Variants in TLN2 observed in about 807,000 individuals in gnomAD.
TLN2 encodes the protein talin 2, also known as talin-2.
A neutral mutation model predicts 294.7 loss-of-function variants in TLN2; 118 were observed. The observed-to-expected ratio is 0.40, with a 90% CI of 0.34 to 0.47. The LOEUF (loss-of-function observed/expected upper bound fraction) is 0.47, where lower values mean the gene tolerates loss of function less well. Among genes scored for constraint, TLN2 ranks in the 20% least tolerant of loss-of-function variants. TLN2 has a pLI of 0.84. For synonymous variants in TLN2, 1,431 were observed against 1,304.5 expected, an observed-to-expected ratio of 1.10 and a Z score of -2.09; for missense variants, 3,083 against 3,282.2, an observed-to-expected ratio of 0.94 and a Z score of 1.48.
chr15:62,668,182 C>A (rs950103947), intron 9 of TLN2, among the ~76,000 whole-genome samples: 2 of 151,958 alleles, frequency 1.3e-5, no homozygotes, highest in African/African-American at 4.8e-5. Flanking sequence ...TAGAAATTTG[C>A]AAAGAGTAAA....
intron 2 of TLN2, among the ~76,000 whole-genome samples, chr15:62,595,593 G>C (rs1238166644): frequency 6.6e-6 from 1 of 152,122 alleles, no homozygotes. Flanking sequence ...CCAACATGTC[G>C]AAGAGATGTC....
At chr15:62,653,552 C>G (rs555803150) in intron 7 of TLN2, among the ~76,000 whole-genome samples, 3 of 151,982 alleles carry the variant, frequency 2.0e-5, no homozygotes, top group Non-Finnish European at 4.4e-5. Context: ...GGTGAAACCT[C>G]ATCTCTACTA....
intron 52 of TLN2, among the ~76,000 whole-genome samples, chr15:62,815,111 T>C (rs1030625321): frequency 6.6e-6 from 1 of 151,940 alleles, no homozygotes; most frequent in African/African-American, 2.4e-5. Context: ...TACTAAAATT[T>C]GATTAGTTAT....
At chr15:62,730,783 A>G (rs1056950462) in intron 28 of TLN2, among the ~76,000 whole-genome samples, 3 of 152,038 alleles carry the variant, frequency 2.0e-5, no homozygotes, top group Admixed American at 1.3e-4. Context: ...ATTTTCCAGC[A>G]GTGTGCCTGG....
chr15:62,653,350 C>A, intron 7 of TLN2, 36 bp downstream of exon 7: 1 of 1,583,094 alleles, frequency 6.3e-7, no homozygotes, highest in South Asian at 1.2e-5. Context: ...TACAGACACA[C>A]AGGCTTTGCT....
chr15:62,739,692 A>G (rs1257612716), intron 31 of TLN2, 147 bp downstream of exon 31: 8 of 903,492 alleles, frequency 8.9e-6, no homozygotes, highest in African/African-American at 5.0e-5. Flanking sequence ...TAGGAAGCTC[A>G]TGCCCTCATG....
At chr15:62,730,701 G>A (rs2060676511) in intron 28 of TLN2, among the ~76,000 whole-genome samples, 1 of 152,134 alleles carries the variant, frequency 6.6e-6, no homozygotes, top group Non-Finnish European at 1.5e-5. Flanking sequence ...CTTTATTTCT[G>A]TTGTGAAGCT....
chr15:62,402,085 A>G (rs765333665), intron 1 of TLN2, among the ~76,000 whole-genome samples: 1 of 152,210 alleles, frequency 6.6e-6, no homozygotes, highest in Admixed American at 6.5e-5. Context: ...ACCCCAAGCC[A>G]TAGGAGAAAT....
In TLN2 at chr15:62,771,239, G is replaced by A. The variant is rs955280810; in HGVS notation, c.5367+105G>A. The A allele has an allele frequency of 2.3e-6, 3 of 1,301,990 alleles. No homozygotes were observed. The East Asian group carries it at 7.6e-5, about 33-fold the overall frequency. The allele number at this position is 1,301,990 out of a possible 1,614,324, so 80.7% of individuals were successfully genotyped here. ...GAGAAAACACTTCCAGTTCTTGCTG[G>A]TGGCATTTGAGCTCCCACTCTGAGA... On this transcript the variant is annotated intron_variant, in intron 42 of 58. Coordinates refer to ENST00000636159, the MANE Select transcript of TLN2 (RefSeq NM_015059.3).
At chr15:62,795,189 G>A (rs1015982747) in intron 46 of TLN2, among the ~76,000 whole-genome samples, 2 of 152,090 alleles carry the variant, frequency 1.3e-5, no homozygotes, top group African/African-American at 4.8e-5. Context: ...CCTTCACTTT[G>A]GCATCTGACG....
chr15:62,501,274 C>G lies in TLN2; in HGVS notation c.-237-88413C>G, dbSNP rs150280220. Among the ~76,000 whole-genome samples, 64 of 152,266 alleles carry G rather than the reference C, an allele frequency of 4.2e-4. 1 individual carries two copies. The East Asian group carries it at 6.2e-3, about 15-fold the overall frequency. ...GTCATCTTTTGGCATCAGGGCTATGCAAGTCCCTTTTGTTCCTATTTCTCC... is the reference window on the plus strand; with the variant it reads ...GTCATCTTTTGGCATCAGGGCTATGGAAGTCCCTTTTGTTCCTATTTCTCC... On this transcript the variant is annotated intron_variant, in intron 1 of 58. Coordinates refer to ENST00000636159, the MANE Select transcript of TLN2 (RefSeq NM_015059.3).
intron 1 of TLN2, among the ~76,000 whole-genome samples, chr15:62,441,565 A>G (rs147629234): frequency 6.6e-6 from 1 of 152,232 alleles, no homozygotes; most frequent in Non-Finnish European, 1.5e-5. Context: ...CGTTCCCCAC[A>G]CAAAGCAATT....
At chr15:62,590,090 C>A (rs1265326621) in intron 2 of TLN2, among the ~76,000 whole-genome samples, 1 of 152,066 alleles carries the variant, frequency 6.6e-6, no homozygotes, top group Non-Finnish European at 1.5e-5. Context: ...CTTCATAAAT[C>A]TTTTCTTAGT....
At chr15:62,411,723 G>C (rs1444781624) in intron 1 of TLN2, among the ~76,000 whole-genome samples, 2 of 152,112 alleles carry the variant, frequency 1.3e-5, no homozygotes, top group Non-Finnish European at 2.9e-5. Context: ...CCAGGACTTA[G>C]GCCCTACTGA....
intron 11 of TLN2, among the ~76,000 whole-genome samples, chr15:62,677,237 A>G (rs1216608963): frequency 6.6e-6 from 1 of 152,220 alleles, no homozygotes; most frequent in East Asian, 1.9e-4. Flanking sequence ...AAGATTAAAC[A>G]AATTTTCATC....
At chr15:62,709,615 T>C (rs2059292564) in intron 21 of TLN2, among the ~76,000 whole-genome samples, 1 of 152,198 alleles carries the variant, frequency 6.6e-6, no homozygotes, top group Non-Finnish European at 1.5e-5. Flanking sequence ...CAATACACCT[T>C]TTTATAATCT....
At chr15:62,669,864 C>T (rs1044238774) in intron 9 of TLN2, among the ~76,000 whole-genome samples, 3 of 152,198 alleles carry the variant, frequency 2.0e-5, no homozygotes, top group Non-Finnish European at 4.4e-5. Context: ...CACACACATG[C>T]ACACACTATT....
chr15:62,529,560 TTAA>T lies in TLN2; in HGVS notation c.-237-60126_-237-60124del, dbSNP rs1442073488. Reference sequence around the variant, plus strand: ...TATTTTTTTTCTCTTACTTAAAAGCTTAAAAAAAAAAAAAAAAAGGACAGTACA... The same window carrying T: ...TATTTTTTTTCTCTTACTTAAAAGCTAAAAAAAAAAAAAAAGGACAGTACA... On this transcript the variant is annotated intron_variant, in intron 1 of 58. Coordinates refer to ENST00000636159, the MANE Select transcript of TLN2 (RefSeq NM_015059.3). Among the ~76,000 whole-genome samples, 25 of 96,036 alleles carry T rather than the reference TTAA, an allele frequency of 2.6e-4. 1 individual carries two copies. The South Asian group carries it at 7.6e-3, about 29-fold the overall frequency. The allele number at this position is 96,036 out of a possible 152,430, so 63.0% of individuals were successfully genotyped here.
intron 3 of TLN2, among the ~76,000 whole-genome samples, chr15:62,627,701 G>C (rs1392858174): frequency 6.6e-6 from 1 of 152,128 alleles, no homozygotes; most frequent in Non-Finnish European, 1.5e-5. Flanking sequence ...TTTAAAAATT[G>C]ATTATTATGC....
Sources: allele counts gnomAD v4.1 joint callset (sites outside exome capture counted in the v4.1 genomes callset), GRCh38; gene constraint gnomAD v4.1.1; transcripts MANE v1.5; gene names NCBI Gene and HGNC (gene_info 2026-07-23, HGNC 2026-07-21).